The following TENM2 variants were observed in gnomAD, a reference collection of about 807,000 sequenced individuals.
The protein encoded by TENM2 is teneurin transmembrane protein 2.
TENM2 carries 52 observed loss-of-function variants against 245.2 expected under a neutral mutation model. That is an observed-to-expected ratio of 0.21 (90% CI 0.17 to 0.27). The LOEUF (loss-of-function observed/expected upper bound fraction) is 0.27. TENM2 is among the 10% of genes least tolerant of loss of function. TENM2 has a pLI of 1.00. For missense variants in TENM2, 3,046 were observed against 3,666.8 expected, an observed-to-expected ratio of 0.83 and a Z score of 4.37; for synonymous variants, 1,363 against 1,438.9, an observed-to-expected ratio of 0.95 and a Z score of 1.19.
chr5:167,467,027 CAGCAGT>C (rs1350056051), intron 2 of TENM2, among the ~76,000 whole-genome samples: 1 of 152,158 alleles, frequency 6.6e-6, no homozygotes, highest in African/African-American at 2.4e-5. Context: ...ATTTTGGATT[CAGCAGT>C]AAGTTTAATA....
chr5:167,215,593 C>G, the TENM2 span, among the ~76,000 whole-genome samples: 1 of 152,092 alleles, frequency 6.6e-6, no homozygotes. Context: ...GAAACCATTT[C>G]CTGGGATCTA....
intron 2 of TENM2, among the ~76,000 whole-genome samples, chr5:167,566,334 G>A (rs1235231312): frequency 1.3e-5 from 2 of 152,112 alleles, no homozygotes; most frequent in Non-Finnish European, 2.9e-5. Flanking sequence ...ACACCCTCCA[G>A]AATGTCTGTC....
At chr5:167,152,946 G>C in the TENM2 span, among the ~76,000 whole-genome samples, 1 of 152,040 alleles carries the variant, frequency 6.6e-6, no homozygotes, top group Non-Finnish European at 1.5e-5. Context: ...TCAGATAAGG[G>C]GGACATTACT....
chr5:168,212,091 G>T (rs1276398934), intron 20 of TENM2, among the ~76,000 whole-genome samples: 1 of 151,984 alleles, frequency 6.6e-6, no homozygotes, highest in African/African-American at 2.4e-5. Flanking sequence ...GTAAATGCTG[G>T]ACTGGGTTCA....
At chr5:167,012,770 C>CT in the TENM2 span, among the ~76,000 whole-genome samples, 1 of 152,074 alleles carries the variant, frequency 6.6e-6, no homozygotes, top group Non-Finnish European at 1.5e-5. Context: ...TTAGGGGGAC[C>CT]TTTTTTTCCA....
intron 1 of TENM2, among the ~76,000 whole-genome samples, chr5:167,293,105 G>A (rs1754732800): frequency 6.6e-6 from 1 of 152,222 alleles, no homozygotes; most frequent in African/African-American, 2.4e-5. Context: ...GTTAGAGGTT[G>A]TGTCTTCATC....
chr5:167,635,633 C>CTTTTTTTTTTTTTTTTTT lies in TENM2; in HGVS notation c.503-240341_503-240324dup, dbSNP rs76155764. On this transcript the variant is annotated intron_variant, in intron 2 of 28. Transcript: ENST00000518659. Reference sequence around the variant, plus strand: ...GGAATCTGGCTATGATCAGTACAGTCTTTTTTTTTTTTTTTTTTTTTTTTT... The same window carrying CTTTTTTTTTTTTTTTTTT: ...GGAATCTGGCTATGATCAGTACAGTCTTTTTTTTTTTTTTTTTTTTTTTTTTTTTTTTTTTTTTTTTTT... Among the ~76,000 whole-genome samples the CTTTTTTTTTTTTTTTTTT allele has an allele frequency of 8.1e-4, 61 of 74,934 alleles. 8 individuals are homozygous for CTTTTTTTTTTTTTTTTTT. In the East Asian group the frequency reaches 1.0e-2, roughly 12 times the overall value. The allele number at this position is 74,934 out of a possible 152,430, so 49.2% of individuals were successfully genotyped here. A position where few individuals can be genotyped will look rare whatever the true frequency, so the allele number is the denominator to read the frequency against.
the TENM2 span, among the ~76,000 whole-genome samples, chr5:167,105,829 A>C: frequency 7.7e-6 from 1 of 129,470 alleles, no homozygotes; most frequent in Non-Finnish European, 1.6e-5. Flanking sequence ...CGGAGCTTGC[A>C]GTGAGCCGAG....
intron 2 of TENM2, among the ~76,000 whole-genome samples, chr5:167,460,871 G>A (rs559428838): frequency 1.9e-4 from 29 of 152,162 alleles, no homozygotes; most frequent in African/African-American, 7.0e-4. Context: ...ATCACTTAAG[G>A]ATTGTATGAT....
At chr5:168,198,110 A>G (rs1761611979) in intron 15 of TENM2, among the ~76,000 whole-genome samples, 2 of 151,624 alleles carry the variant, frequency 1.3e-5, no homozygotes, top group Non-Finnish European at 2.9e-5. Flanking sequence ...CTCACCAACA[A>G]CTCAGCTCTG....
chr5:168,065,003 G>A (rs747471362), intron 7 of TENM2, among the ~76,000 whole-genome samples: 31 of 152,174 alleles, frequency 2.0e-4, no homozygotes, highest in African/African-American at 2.7e-4. Context: ...GGCGACTGAC[G>A]TCTCGAACTA....
chr5:167,519,418 G>T (rs1418724253), intron 2 of TENM2, among the ~76,000 whole-genome samples: 1 of 151,896 alleles, frequency 6.6e-6, no homozygotes, highest in Non-Finnish European at 1.5e-5. Flanking sequence ...GAATATTAAG[G>T]GTACTAAACA....
chr5:167,950,261 G>T (rs1779974937), intron 3 of TENM2, among the ~76,000 whole-genome samples: 1 of 152,186 alleles, frequency 6.6e-6, no homozygotes, highest in Non-Finnish European at 1.5e-5. Context: ...GATATTGTCA[G>T]CACACAAGCA....
chr5:167,318,480 C>T (rs906402828), intron 1 of TENM2, among the ~76,000 whole-genome samples: 10 of 150,774 alleles, frequency 6.6e-5, no homozygotes, highest in African/African-American at 2.4e-4. Flanking sequence ...GTGAATAAAA[C>T]GAGATAAGTG....
intron 12 of TENM2, among the ~76,000 whole-genome samples, chr5:168,155,677 GT>G (rs553376821): frequency 6.6e-6 from 1 of 152,078 alleles, no homozygotes; most frequent in South Asian, 2.1e-4. Flanking sequence ...ATGGGTTCTT[GT>G]TTTTTTCCCT....
At chr5:168,044,348 G>A (rs1788439416) in intron 5 of TENM2, among the ~76,000 whole-genome samples, 1 of 152,202 alleles carries the variant, frequency 6.6e-6, no homozygotes, top group Non-Finnish European at 1.5e-5. Context: ...CCAGGAGGCA[G>A]AGCTTGCAGT....
chr5:167,793,897 T>C (rs1765148387), intron 2 of TENM2, among the ~76,000 whole-genome samples: 1 of 151,724 alleles, frequency 6.6e-6, no homozygotes, highest in Non-Finnish European at 1.5e-5. Context: ...GTACAAAGCA[T>C]TGTATTGCAG....
the TENM2 span, among the ~76,000 whole-genome samples, chr5:167,040,358 G>T: frequency 6.6e-6 from 1 of 152,134 alleles, no homozygotes; most frequent in Admixed American, 6.5e-5. Context: ...CTTTAAATGG[G>T]TTGAAAGAAG....
chr5:167,948,071 C>T (rs918734206), intron 3 of TENM2, among the ~76,000 whole-genome samples: 2 of 152,190 alleles, frequency 1.3e-5, no homozygotes, highest in African/African-American at 2.4e-5. Flanking sequence ...CGATTATTAA[C>T]AATTTCTTCC....
Sources: allele counts gnomAD v4.1 joint callset (sites outside exome capture counted in the v4.1 genomes callset), GRCh38; gene constraint gnomAD v4.1.1; transcripts MANE v1.5; gene names NCBI Gene and HGNC (gene_info 2026-07-23, HGNC 2026-07-21).